The following CSF1 variants were observed in gnomAD, a reference collection of about 807,000 sequenced individuals.
CSF1 encodes colony stimulating factor 1.
A neutral mutation model predicts 48.9 loss-of-function variants in CSF1; 9 were observed. The observed-to-expected ratio is 0.18, with a 90% CI of 0.11 to 0.32. The LOEUF (loss-of-function observed/expected upper bound fraction) is 0.32, where lower values mean the gene tolerates loss of function less well. Among genes scored for constraint, CSF1 ranks in the 10% least tolerant of loss-of-function variants. The probability of loss-of-function intolerance (pLI) is 1.00; values close to 1 mark genes in which losing one functional copy is unlikely to be tolerated. For missense variants in CSF1, 672 were observed against 697.9 expected (o/e 0.96, Z 0.42); for synonymous variants, 305 against 284.1 (o/e 1.07, Z -0.74).
At chr1:109,913,012 A>C (rs1654757319) in intron 1 of CSF1, among the ~76,000 whole-genome samples, 1 of 151,954 alleles carries the variant, frequency 6.6e-6, no homozygotes, top group African/African-American at 2.4e-5. Flanking sequence ...CCCATCTTTC[A>C]AGGCCTCACT....
intron 8 of CSF1, among the ~76,000 whole-genome samples, chr1:109,927,748 G>A (rs1647904510): frequency 6.6e-6 from 1 of 152,226 alleles, no homozygotes; most frequent in African/African-American, 2.4e-5. Context: ...AGCCCCTAGA[G>A]TGACTGCTGC....
intron 1 of CSF1, 42 bp downstream of exon 1, chr1:109,911,104 CG>C (rs1654661393): frequency 3.0e-6 from 3 of 1,002,746 alleles, no homozygotes; most frequent in East Asian, 2.0e-4. Context: ...CGGGCTGGGG[CG>C]GGGGCTCGGC....
At chr1:109,922,223 G>T (rs1176908076) in intron 5 of CSF1, 2 of 397,050 alleles carry the variant, frequency 5.0e-6, no homozygotes, top group Admixed American at 8.9e-5. Flanking sequence ...ACATATGTCT[G>T]CATGTGGCAG....
chr1:109,915,759 T>A, intron 3 of CSF1, 63 bp downstream of exon 3: 2 of 1,373,104 alleles, frequency 1.5e-6, no homozygotes, highest in South Asian at 2.3e-5. Flanking sequence ...GGGTGGGGTG[T>A]GTGGGGGAGC....
rs938117993 is a variant in CSF1 at position 109,923,830 on chromosome 1, C to T, written c.1209C>T (p.Pro403=). 5.6e-6 allele frequency: 9 copies of T among 1,613,344 alleles called. No individual in the cohort carries two copies. Among genetic ancestry groups the T allele is most frequent in the Non-Finnish European group, 7.6e-6 (9 of 1,179,702 alleles). The change falls in exon 6 of 9, where the codon CCC becomes CCT. Residue 403 remains proline (P), a synonymous_variant. Transcript: ENST00000329608. The part of the protein sequence containing the change: ...LLRDPPEPGS[P]RISSLRPQGL... ...GAGACCCCCCGGAGCCAGGCTCTCC[C>T]AGGATCTCATCACTGCGCCCCCAGG... is the stretch of plus-strand genomic sequence containing the variant.
chr1:109,922,989 G>A (rs1647632662), intron 5 of CSF1, among the ~76,000 whole-genome samples, 177 bp from the exon 6 acceptor site: 1 of 152,106 alleles, frequency 6.6e-6, no homozygotes, highest in South Asian at 2.1e-4. Flanking sequence ...CACCTTCCCT[G>A]TGTCATGAGC....
At chr1:109,911,316 C>T (rs1359802172) in intron 1 of CSF1, among the ~76,000 whole-genome samples, 4 of 152,156 alleles carry the variant, frequency 2.6e-5, no homozygotes, top group Admixed American at 6.5e-5. Flanking sequence ...CCCCATTGCA[C>T]GGAGGGGAAC....
intron 1 of CSF1, 78 bp downstream of exon 1, chr1:109,911,140 T>A: frequency 1.1e-6 from 1 of 909,114 alleles, no homozygotes; most frequent in Non-Finnish European, 1.3e-6. Flanking sequence ...GAGCGGCCCC[T>A]CGGAGCCGAC....
chr1:109,920,263 A>T (rs1215670769), intron 4 of CSF1, among the ~76,000 whole-genome samples: 1 of 151,680 alleles, frequency 6.6e-6, no homozygotes, highest in African/African-American at 2.4e-5. Context: ...ATCACTTACC[A>T]GCTAGGTGGC....
chr1:109,922,158 C>T (rs778285294), intron 5 of CSF1, among the ~76,000 whole-genome samples, 164 bp downstream of exon 5: 1 of 152,206 alleles, frequency 6.6e-6, no homozygotes, highest in Admixed American at 6.5e-5. Context: ...TGTGGCTTCA[C>T]GTACCTCTGG....
In CSF1 at chr1:109,921,923, A is replaced by G. The variant is rs1557735745; in HGVS notation, c.473A>G (p.Asn158Ser). 6.2e-7 allele frequency: 1 copy of G among 1,612,260 alleles called. No homozygotes were observed. The highest frequency in any genetic ancestry group is 8.5e-7 in the Non-Finnish European group (1 of 1,178,810). The change falls in exon 5 of 9, where the codon AAT becomes AGT. Residue 158 changes from asparagine to serine, a missense_variant. Physicochemically the swap from Asn to Ser is conservative, Grantham distance 46. Around this residue, in one of 3 missense-constraint regions of CSF1, gnomAD observed 591 missense variants for 593.6 expected, o/e 1.00. Transcript: ENST00000329608. ...AAGAATGTCTTTAATGAAACAAAGA[A>G]TCTCCTTGACAAGGACTGGAATATT... ...KVKNVFNETK[N>S]LLDKDWNIFS...
rs1490978974 is a variant in CSF1 at position 109,930,151 on chromosome 1, C to A, written c.*1313C>A. The A allele has an allele frequency of 6.6e-6, 1 of 152,304 alleles. No homozygotes were observed. The highest frequency in any genetic ancestry group is 2.4e-5 in the African/African-American group (1 of 41,454). 9.4% of individuals were successfully genotyped at this position (152,304 alleles called of 1,614,324 possible). ...GCCCTGGACTGGGCTGCATCTCAGC[C>A]CCACCTGCATGGTATCCAGCTCCCA... On this transcript the variant is annotated 3_prime_UTR_variant, in exon 9 of 9. Coordinates refer to ENST00000329608, the MANE Select transcript of CSF1 (RefSeq NM_000757.6).
upstream of CSF1, chr1:109,910,629 G>C (rs1439481494): frequency 1.2e-5 from 2 of 166,180 alleles, no homozygotes; most frequent in African/African-American, 4.8e-5. Context: ...GCAGAAGACA[G>C]AGGGTGACTA....
chr1:109,928,188 C>A (rs960608476), intron 8 of CSF1, among the ~76,000 whole-genome samples: 1 of 152,148 alleles, frequency 6.6e-6, no homozygotes, highest in Admixed American at 6.5e-5. Flanking sequence ...GGGTGGAAGG[C>A]GAGAGGACAA....
rs562274652 is a variant in CSF1, at chr1:109,923,349, C to T, written c.728C>T (p.Thr243Ile). 6.2e-7 allele frequency: 1 copy of T among 1,612,394 alleles called. No homozygotes were observed. The highest frequency in any genetic ancestry group is 1.7e-5 in the Admixed American group (1 of 59,874). ...TTGCCTGGTGAGCAGCCCCTGCACACAGTGGATCCAGGCAGTGCCAAGCAG... is the reference window on the plus strand; with the variant it reads ...TTGCCTGGTGAGCAGCCCCTGCACATAGTGGATCCAGGCAGTGCCAAGCAG... ...SLLPGEQPLH[T>I]VDPGSAKQRP... Residue 243 changes from threonine to isoleucine, a missense_variant, in exon 6 of 9, where the codon ACA becomes ATA. Physicochemically the swap from Thr to Ile is moderately conservative, Grantham distance 89. This residue lies in a region of CSF1 where 591 missense variants were observed against 593.6 expected (regional missense o/e 1.00). Coordinates refer to ENST00000329608, the MANE Select transcript of CSF1 (RefSeq NM_000757.6).
At position 109,915,545 on chromosome 1, in the gene CSF1, C is replaced by G. The variant is rs978892712; in HGVS notation, c.163-89C>G. 1.3e-5 allele frequency: 15 copies of G among 1,128,354 alleles called. No individual in the cohort carries two copies. The African/African-American group carries it at 2.1e-4, about 16-fold the overall frequency. The allele number at this position is 1,128,354 out of a possible 1,614,324, so 69.9% of individuals were successfully genotyped here. Reference sequence around the variant, plus strand: ...GATGAAGTTCAAACCCCAATCCACTCAGAAGCTAAGGTCCCCGTTTTGAAG... The same window carrying G: ...GATGAAGTTCAAACCCCAATCCACTGAGAAGCTAAGGTCCCCGTTTTGAAG... On this transcript the variant is annotated intron_variant, in intron 2 of 8. Transcript: ENST00000329608.
rs199611165 is a variant in CSF1 at position 109,923,978 on chromosome 1, G to C, written c.1357G>C (p.Ala453Pro). ...RRSTRDRRSP[A>P]EPEGGPASEG... ...GAGCACCAGGGATCGGAGGAGCCCC[G>C]CAGAGCCAGAAGGAGGACCAGCAAG... Residue 453 changes from alanine to proline, a missense_variant, in exon 6 of 9, where the codon GCA becomes CCA. Transcript: ENST00000329608. 53 of 1,614,196 alleles carry C rather than the reference G, an allele frequency of 3.3e-5. No homozygotes were observed. The East Asian group carries it at 3.8e-4, about 12-fold the overall frequency.
chr1:109,910,721 G>T, upstream of CSF1: 1 of 340,218 alleles, frequency 2.9e-6, no homozygotes, highest in Non-Finnish European at 5.7e-6. Context: ...CCTCTGGAGT[G>T]TGTGTGTCTG....
At chr1:109,924,396 A>T (rs1322370623) in intron 6 of CSF1, among the ~76,000 whole-genome samples, 1 of 152,164 alleles carries the variant, frequency 6.6e-6, no homozygotes, top group Admixed American at 6.5e-5. Flanking sequence ...GTCAATGGGA[A>T]GGGACTGGAG....
Sources: gnomAD v4.1 joint callset for allele counts (sites outside exome capture counted in the v4.1 genomes callset) on GRCh38, gnomAD v4.1.1 for gene constraint, gnomAD v4.1.1 regional missense constraint, MANE v1.5 for transcripts, NCBI Gene and HGNC (gene_info 2026-07-23, HGNC 2026-07-21) for gene names.